The following FLACC1 variants were observed in gnomAD, a reference collection of about 807,000 sequenced individuals.
FLACC1 encodes flagellum-associated coiled-coil domain-containing protein 1.
A neutral mutation model predicts 62.8 loss-of-function variants in FLACC1; 66 were observed. The ratio of observed to expected loss-of-function variants is 1.05; its 90% CI spans 0.86 to 1.29. FLACC1 has a LOEUF of 1.29. Ranked by LOEUF, FLACC1 falls within the 50% of genes most tolerant of loss-of-function variation. The pLI is 0.00. For missense variants in FLACC1, 452 were observed against 489.1 expected, an observed-to-expected ratio of 0.92 and a Z score of 0.71; for synonymous variants, 156 against 161.0, an observed-to-expected ratio of 0.97 and a Z score of 0.24.
At chr2:201,353,467 C>A (rs545740470) in intron 1 of FLACC1, among the ~76,000 whole-genome samples, 9 of 152,292 alleles carry the variant, frequency 5.9e-5, no homozygotes, top group African/African-American at 2.2e-4. Context: ...TCTAGGAGCA[C>A]ATTGAGAAGT....
intron 1 of FLACC1, 86 bp downstream of exon 1, chr2:201,356,896 G>C (rs934892541): frequency 1.3e-5 from 2 of 152,156 alleles, no homozygotes; most frequent in African/African-American, 4.8e-5. Context: ...TCACCAGTGA[G>C]CCGGCAGAGG....
chr2:201,296,560 T>C (rs1440428208), intron 12 of FLACC1, among the ~76,000 whole-genome samples: 1 of 151,196 alleles, frequency 6.6e-6, no homozygotes, highest in Non-Finnish European at 1.5e-5. Flanking sequence ...ATACCTAATG[T>C]TAAATGACGA....
Position 201,309,100 on chromosome 2 carries a change from G to A in FLACC1, c.775+51C>T, listed in dbSNP as rs141215506. 381 of 1,501,300 alleles carry A rather than the reference G, an allele frequency of 2.5e-4. 3 individuals are homozygous for A. The African/African-American group carries it at 4.4e-3, about 17-fold the overall frequency. The allele number at this position is 1,501,300 out of a possible 1,614,324, so 93.0% of individuals were successfully genotyped here. ...CCTCAAGTCAAGACCAAACTTCATG[G>A]CAGTTTTTTAATGCACTTGTCATCA... is the stretch of plus-strand genomic sequence containing the variant. On this transcript the variant is annotated intron_variant, in intron 10 of 14. Transcript: ENST00000392257.
intron 7 of FLACC1, among the ~76,000 whole-genome samples, chr2:201,332,772 T>C (rs1322905111): frequency 6.6e-6 from 1 of 152,040 alleles, no homozygotes. Context: ...ATGAGTTTGA[T>C]TGTTTCAGAT....
chr2:201,358,083 A>G (rs963441794), upstream of FLACC1, among the ~76,000 whole-genome samples: 1 of 152,134 alleles, frequency 6.6e-6, no homozygotes, highest in Non-Finnish European at 1.5e-5. Flanking sequence ...TTATAAATTC[A>G]TCTATTCACT....
chr2:201,318,958 G>C (rs955814612), intron 9 of FLACC1, among the ~76,000 whole-genome samples: 1 of 151,898 alleles, frequency 6.6e-6, no homozygotes, highest in Non-Finnish European at 1.5e-5. Context: ...GAGTGGGAAG[G>C]GGGTGAGGGA....
chr2:201,362,063 G>T (rs1230095541), upstream of FLACC1, among the ~76,000 whole-genome samples: 1 of 152,106 alleles, frequency 6.6e-6, no homozygotes, highest in Non-Finnish European at 1.5e-5. Flanking sequence ...ATGAAAAACA[G>T]AAAAATAAAA....
intron 9 of FLACC1, among the ~76,000 whole-genome samples, chr2:201,327,797 T>G (rs751507431): frequency 3.3e-5 from 5 of 152,156 alleles, no homozygotes; most frequent in Non-Finnish European, 5.9e-5. Context: ...AATCTAGCAA[T>G]CCCACTACTT....
intron 1 of FLACC1, among the ~76,000 whole-genome samples, chr2:201,354,279 C>T (rs1045645712): frequency 2.6e-5 from 4 of 152,164 alleles, no homozygotes; most frequent in Admixed American, 6.5e-5. Flanking sequence ...GGACCTTGCC[C>T]TCAGGGAGCT....
intron 9 of FLACC1, among the ~76,000 whole-genome samples, chr2:201,310,523 C>A (rs1420995964): frequency 6.6e-6 from 1 of 152,130 alleles, no homozygotes; most frequent in Non-Finnish European, 1.5e-5. Context: ...TCCTTTCCCG[C>A]CCCACTAGCC....
chr2:201,328,834 A>G (rs1252634605), intron 9 of FLACC1, among the ~76,000 whole-genome samples: 1 of 152,244 alleles, frequency 6.6e-6, no homozygotes, highest in African/African-American at 2.4e-5. Flanking sequence ...TAAGTTATAG[A>G]GCCCCAGAAT....
intron 12 of FLACC1, 177 bp from the exon 13 acceptor site, chr2:201,289,962 C>T (rs1341702273): frequency 8.9e-6 from 10 of 1,117,416 alleles, no homozygotes; most frequent in African/African-American, 3.1e-5. Context: ...ATATCCTTCT[C>T]TTCAGCCTCA....
intron 9 of FLACC1, among the ~76,000 whole-genome samples, chr2:201,310,860 T>C (rs1012990305): frequency 1.3e-5 from 2 of 152,156 alleles, no homozygotes; most frequent in African/African-American, 2.4e-5. Context: ...AAAAGTTGGA[T>C]CTTTGAAAGG....
intron 12 of FLACC1, among the ~76,000 whole-genome samples, chr2:201,292,195 G>A (rs1269554796): frequency 2.0e-5 from 3 of 152,108 alleles, no homozygotes; most frequent in Non-Finnish European, 4.4e-5. Flanking sequence ...GATACTCCTC[G>A]AGAAGAGCAA....
chr2:201,340,416 G>A (rs1950783900), intron 7 of FLACC1, among the ~76,000 whole-genome samples: 1 of 152,000 alleles, frequency 6.6e-6, no homozygotes, highest in African/African-American at 2.4e-5. Flanking sequence ...TTATCTTTGT[G>A]GTTACCATGA....
At position 201,289,753 on chromosome 2, in the gene FLACC1, A is replaced by G. The variant is rs769521722; in HGVS notation, c.975T>C (p.Leu325=). 6.8e-6 allele frequency: 11 copies of G among 1,614,062 alleles called. No homozygotes were observed. Among genetic ancestry groups the G allele is most frequent in the Non-Finnish European group, 9.3e-6 (11 of 1,180,048 alleles). Residue 325 remains leucine, a synonymous_variant, in exon 13 of 15, where the codon CTT becomes CTC. Coordinates refer to ENST00000392257, the MANE Select transcript of FLACC1 (RefSeq NM_001127391.3). ...VMQEELHAQA[L]ILESLNTNLY... ...GGTTTGTGTTCAGTGACTCTAGGAT[A>G]AGGGCTTGTGCATGCAATTCTTCCT...
chr2:201,347,940 C>T (rs1308460891), intron 4 of FLACC1, among the ~76,000 whole-genome samples: 2 of 152,208 alleles, frequency 1.3e-5, no homozygotes, highest in Non-Finnish European at 2.9e-5. Context: ...AGAGCACTTC[C>T]TGCATCTAGG....
chr2:201,305,864 C>T (rs914930908), intron 11 of FLACC1, among the ~76,000 whole-genome samples: 5 of 149,160 alleles, frequency 3.4e-5, no homozygotes, highest in African/African-American at 7.5e-5. Context: ...TGTTCTCATT[C>T]GTAGGTAGGA....
intron 9 of FLACC1, among the ~76,000 whole-genome samples, chr2:201,324,555 T>C (rs1046716619): frequency 1.3e-5 from 2 of 152,242 alleles, no homozygotes; most frequent in African/African-American, 4.8e-5. Flanking sequence ...GTAGAATGTA[T>C]GTTCTTCTCA....
Sources: gnomAD v4.1 joint callset for allele counts (sites outside exome capture counted in the v4.1 genomes callset) on GRCh38, gnomAD v4.1.1 for gene constraint, MANE v1.5 for transcripts, NCBI Gene and HGNC (gene_info 2026-07-23, HGNC 2026-07-21) for gene names.